Variants in SPATS2 observed in about 807,000 individuals in gnomAD.
SPATS2 encodes the protein spermatogenesis-associated serine-rich protein 2.
A neutral mutation model predicts 63.7 loss-of-function variants in SPATS2; 38 were observed. The ratio of observed to expected loss-of-function variants is 0.60; its 90% CI spans 0.46 to 0.78. SPATS2 has a LOEUF of 0.78. Ranked by LOEUF, SPATS2 falls within the 30% of genes least tolerant of loss-of-function variation. The pLI is 0.00. For missense variants in SPATS2, 588 were observed against 666.2 expected, an observed-to-expected ratio of 0.88 and a Z score of 1.29; for synonymous variants, 207 against 232.9, an observed-to-expected ratio of 0.89 and a Z score of 1.01.
At chr12:49,431,376 G>C (rs1271902485) in intron 2 of SPATS2, among the ~76,000 whole-genome samples, 1 of 152,106 alleles carries the variant, frequency 6.6e-6, no homozygotes, top group Non-Finnish European at 1.5e-5. Context: ...GGCCTCCTGA[G>C]TAGCTGGGAC....
At chr12:49,436,820 G>T (rs1481583635) in intron 2 of SPATS2, among the ~76,000 whole-genome samples, 57 of 139,538 alleles carry the variant, frequency 4.1e-4, no homozygotes, top group African/African-American at 1.5e-3. Context: ...GGGCAGAGGC[G>T]CCCCTCACCT....
At chr12:49,413,276 G>A (rs1944829811) in intron 2 of SPATS2, among the ~76,000 whole-genome samples, 1 of 152,088 alleles carries the variant, frequency 6.6e-6, no homozygotes, top group South Asian at 2.1e-4. Context: ...GTTCAAATAG[G>A]CAGGGGATGG....
At chr12:49,483,433 G>C (rs1946239024) in intron 3 of SPATS2, among the ~76,000 whole-genome samples, 1 of 151,984 alleles carries the variant, frequency 6.6e-6, no homozygotes, top group Non-Finnish European at 1.5e-5. Flanking sequence ...AATTAATAAA[G>C]ATAATTGGGA....
chr12:49,375,147 T>A (rs1480894741), intron 2 of SPATS2, among the ~76,000 whole-genome samples: 2 of 10,462 alleles, frequency 1.9e-4, no homozygotes, highest in Non-Finnish European at 8.0e-4. Context: ...GTGGAGTGTG[T>A]GTGTGTGTGT....
intron 3 of SPATS2, among the ~76,000 whole-genome samples, chr12:49,476,175 G>A (rs570103541): frequency 6.6e-6 from 1 of 152,274 alleles, no homozygotes; most frequent in Admixed American, 6.5e-5. Context: ...GTGGCTGGAC[G>A]TGGAGAGGAG....
intron 2 of SPATS2, among the ~76,000 whole-genome samples, chr12:49,379,654 G>C (rs559356711): frequency 1.3e-4 from 15 of 113,020 alleles, no homozygotes; most frequent in African/African-American, 2.1e-4. Context: ...ACGGAGTCTT[G>C]CTCTGTTGCC....
chr12:49,449,044 A>C (rs1489883534), intron 2 of SPATS2, among the ~76,000 whole-genome samples: 1 of 152,246 alleles, frequency 6.6e-6, no homozygotes, highest in Non-Finnish European at 1.5e-5. Flanking sequence ...AACTTTATTT[A>C]CAAAAACAGG....
At chr12:49,382,790 T>C (rs1372649378) in intron 2 of SPATS2, among the ~76,000 whole-genome samples, 1 of 152,174 alleles carries the variant, frequency 6.6e-6, no homozygotes, top group Non-Finnish European at 1.5e-5. Flanking sequence ...CTACAACCTG[T>C]GTCTCCCTGG....
intron 2 of SPATS2, among the ~76,000 whole-genome samples, chr12:49,437,181 C>T (rs1266868331): frequency 6.6e-6 from 1 of 151,664 alleles, no homozygotes; most frequent in Admixed American, 6.6e-5. Context: ...AGGGTCTCCT[C>T]ACTTCTCAGA....
intron 10 of SPATS2, among the ~76,000 whole-genome samples, chr12:49,515,249 T>G (rs1946820072): frequency 1.3e-5 from 2 of 152,234 alleles, no homozygotes; most frequent in African/African-American, 2.4e-5. Flanking sequence ...AGTGTTAGGT[T>G]AAACATACAC....
chr12:49,437,799 G>C (rs937200304), intron 2 of SPATS2, among the ~76,000 whole-genome samples: 20 of 152,252 alleles, frequency 1.3e-4, no homozygotes, highest in African/African-American at 4.6e-4. Flanking sequence ...GCTTTGGCTC[G>C]GCATCAGGGG....
At chr12:49,465,076 C>T (rs1449338727) in intron 3 of SPATS2, among the ~76,000 whole-genome samples, 3 of 152,186 alleles carry the variant, frequency 2.0e-5, no homozygotes, top group Admixed American at 2.0e-4. Flanking sequence ...CTTTTTACTA[C>T]TAAGTAGTCT....
chr12:49,428,647 A>AT (rs1251879365), intron 2 of SPATS2, among the ~76,000 whole-genome samples: 1 of 152,168 alleles, frequency 6.6e-6, no homozygotes, highest in Non-Finnish European at 1.5e-5. Context: ...ATCTTTCATA[A>AT]TTTTTTATCA....
At chr12:49,514,457 C>A in intron 9 of SPATS2, 98 bp from the exon 10 acceptor site, 1 of 1,105,224 alleles carries the variant, frequency 9.0e-7, no homozygotes. Flanking sequence ...ATGCTTTTAG[C>A]AAACAAACTC....
chr12:49,502,535 C>G (rs867015870), intron 9 of SPATS2, among the ~76,000 whole-genome samples: 1 of 152,172 alleles, frequency 6.6e-6, no homozygotes, highest in South Asian at 2.1e-4. Flanking sequence ...ACTGCAACCT[C>G]CACCTCCTGG....
At chr12:49,502,964 G>GT (rs1425377902) in intron 9 of SPATS2, among the ~76,000 whole-genome samples, 1 of 152,112 alleles carries the variant, frequency 6.6e-6, no homozygotes, top group Non-Finnish European at 1.5e-5. Context: ...ATTATTTTAG[G>GT]TAACTGATTT....
chr12:49,494,804 A>G lies in SPATS2; in HGVS notation c.328A>G (p.Ser110Gly), dbSNP rs1187114942. The G allele has an allele frequency of 6.2e-7, 1 of 1,613,416 alleles. No individual in the cohort carries two copies. The highest frequency in any genetic ancestry group is 1.3e-5 in the African/African-American group (1 of 75,042). ...AEPSNGIPDS[S>G]KSVSIQEEQS... ...ACCAAGTAACGGCATCCCAGATTCC[A>G]GTAAATCAGTTTCCATTCAAGAGGA... is the stretch of plus-strand genomic sequence containing the variant. Residue 110 changes from serine to glycine, a missense_variant, in exon 7 of 14, where the codon AGT becomes GGT. Transcript: ENST00000552918.
intron 7 of SPATS2, among the ~76,000 whole-genome samples, chr12:49,496,213 C>T (rs982051733): frequency 2.0e-5 from 3 of 152,186 alleles, no homozygotes; most frequent in Non-Finnish European, 4.4e-5. Flanking sequence ...AACTAGCTTT[C>T]CTCTCATTTC....
At position 49,489,592 on chromosome 12, in the gene SPATS2, T is replaced by A. The variant is rs1277570322; in HGVS notation, c.214+19T>A. On this transcript the variant is annotated intron_variant, in intron 5 of 13. Transcript: ENST00000552918. Reference sequence around the variant, plus strand: ...ATGGAAGGTAATCCTGACTTAATTTTAAAAATAAATTTATATTTGCTCAAA... The same window carrying A: ...ATGGAAGGTAATCCTGACTTAATTTAAAAAATAAATTTATATTTGCTCAAA... The A allele has an allele frequency of 1.9e-6, 3 of 1,583,354 alleles. No homozygotes were observed. The highest frequency in any genetic ancestry group is 2.6e-6 in the Non-Finnish European group (3 of 1,161,384).
Sources: allele counts gnomAD v4.1 joint callset (sites outside exome capture counted in the v4.1 genomes callset), GRCh38; gene constraint gnomAD v4.1.1; transcripts MANE v1.5; gene names NCBI Gene and HGNC (gene_info 2026-07-23, HGNC 2026-07-21).